Variants in TRAF3 observed in about 807,000 individuals in gnomAD.
TRAF3 encodes the protein TNF receptor associated factor 3, also known as TNF receptor-associated factor 3.
In TRAF3, 13 loss-of-function variants were observed where a neutral mutation model predicts 62.3. That is an observed-to-expected ratio of 0.21 (90% confidence interval 0.14 to 0.33). The LOEUF (loss-of-function observed/expected upper bound fraction) is 0.33, where lower values mean the gene tolerates loss of function less well. Among genes scored for constraint, TRAF3 ranks in the 10% least tolerant of loss-of-function variants. The pLI is 1.00. For synonymous variants in TRAF3, 269 were observed against 283.4 expected, an observed-to-expected ratio of 0.95 and a Z score of 0.51; for missense variants, 440 against 741.8, an observed-to-expected ratio of 0.59 and a Z score of 4.73.
At chr14:102,838,390 C>T (rs571946793) in intron 2 of TRAF3, among the ~76,000 whole-genome samples, 3 of 152,094 alleles carry the variant, frequency 2.0e-5, no homozygotes, top group African/African-American at 7.2e-5. Flanking sequence ...ACCAGGATTT[C>T]AGGAGGTAAG....
At chr14:102,803,020 C>T (rs1209262575) in intron 1 of TRAF3, among the ~76,000 whole-genome samples, 1 of 152,104 alleles carries the variant, frequency 6.6e-6, no homozygotes, top group African/African-American at 2.4e-5. Context: ...CTTGTAAAAC[C>T]ATCAGATCTC....
chr14:102,880,540 G>T (rs1244927498), intron 6 of TRAF3, among the ~76,000 whole-genome samples: 1 of 152,228 alleles, frequency 6.6e-6, no homozygotes, highest in South Asian at 2.1e-4. Context: ...CATTGTGGAA[G>T]ACAGTGTGAC....
At chr14:102,834,464 C>T (rs1009707810) in intron 2 of TRAF3, among the ~76,000 whole-genome samples, 8 of 151,488 alleles carry the variant, frequency 5.3e-5, no homozygotes, top group African/African-American at 1.5e-4. Flanking sequence ...TTTGGGAGGC[C>T]GAGGTGGGTG....
In TRAF3 at chr14:102,842,056, C is replaced by T. The variant is rs190038683; in HGVS notation, c.-18+11584C>T. ...GGTCTGGAGTTGAAGAGTAGCCTGG[C>T]CAACATGGCGAAACCTCGTCTCTAC... On this transcript the variant is annotated intron_variant, in intron 2 of 11. Transcript: ENST00000392745. Among the ~76,000 whole-genome samples, 23 of 152,048 alleles carry T rather than the reference C, an allele frequency of 1.5e-4. No homozygotes were observed. In the East Asian group the frequency reaches 3.7e-3, roughly 24 times the overall value.
chr14:102,880,348 T>C (rs1595389982), intron 6 of TRAF3, among the ~76,000 whole-genome samples: 1 of 152,174 alleles, frequency 6.6e-6, no homozygotes, highest in Admixed American at 6.5e-5. Context: ...GTTGTTAAAT[T>C]TCAGTGAATG....
At chr14:102,830,960 GT>G (rs777847532) in intron 2 of TRAF3, among the ~76,000 whole-genome samples, 4 of 152,188 alleles carry the variant, frequency 2.6e-5, no homozygotes, top group Non-Finnish European at 4.4e-5. Flanking sequence ...GGCTTACAAG[GT>G]TTGAAATACA....
intron 1 of TRAF3, among the ~76,000 whole-genome samples, chr14:102,786,464 G>A (rs1897506798): frequency 6.6e-6 from 1 of 152,164 alleles, no homozygotes; most frequent in African/African-American, 2.4e-5. Flanking sequence ...GAGGTGGGTG[G>A]ATCACCTGAG....
chr14:102,814,561 C>G lies in TRAF3; in HGVS notation c.-156-15773C>G, dbSNP rs1234617351. On this transcript the variant is annotated intron_variant, in intron 1 of 11. Transcript: ENST00000392745. ...CCAAGACAGGGTCTCACTTCGTTAT[C>G]TAGGCTGGAGTGCAGTGGCATGATA... Among the ~76,000 whole-genome samples the G allele has an allele frequency of 2.6e-5, 4 of 152,112 alleles. No individual in the cohort carries two copies. In the East Asian group the frequency reaches 7.7e-4, roughly 29 times the overall value.
At chr14:102,830,820 T>G (rs1365019399) in intron 2 of TRAF3, among the ~76,000 whole-genome samples, 5 of 152,206 alleles carry the variant, frequency 3.3e-5, no homozygotes, top group Admixed American at 3.3e-4. Flanking sequence ...TGCCCAGCAG[T>G]TACCCAGGGG....
At chr14:102,831,826 G>C (rs1376229462) in intron 2 of TRAF3, among the ~76,000 whole-genome samples, 3 of 152,112 alleles carry the variant, frequency 2.0e-5, no homozygotes, top group African/African-American at 7.2e-5. Flanking sequence ...GGGTAGTTTG[G>C]TTTATTACAA....
In TRAF3 at chr14:102,876,351, C is replaced by G; in HGVS notation, c.403-7C>G. ...CAATTAAGAACATTGAATGGTCTGT[C>G]TTACAGGTGCATTTAAAAAATGATT... On this transcript the variant is annotated splice_polypyrimidine_tract_variant and splice_region_variant and intron_variant, in intron 5 of 11. Transcript: ENST00000392745. 6.2e-7 allele frequency: 1 copy of G among 1,613,974 alleles called. No homozygotes were observed. The highest frequency in any genetic ancestry group is 8.5e-7 in the Non-Finnish European group (1 of 1,179,918).
chr14:102,899,513 C>G (rs1039181065), intron 10 of TRAF3, among the ~76,000 whole-genome samples: 1 of 152,202 alleles, frequency 6.6e-6, no homozygotes, highest in Admixed American at 6.5e-5. Context: ...CGCCCCACTC[C>G]CTGCGCTAAA....
At chr14:102,834,742 ATCAAC>A (rs2139648731) in intron 2 of TRAF3, among the ~76,000 whole-genome samples, 6 of 151,956 alleles carry the variant, frequency 3.9e-5, no homozygotes, top group African/African-American at 1.2e-4. Flanking sequence ...ATGCACAAAA[ATCAAC>A]AAAAGATGGA....
At chr14:102,816,656 A>G (rs1899543453) in intron 1 of TRAF3, among the ~76,000 whole-genome samples, 1 of 152,178 alleles carries the variant, frequency 6.6e-6, no homozygotes, top group Non-Finnish European at 1.5e-5. Flanking sequence ...TAATAGCATG[A>G]CATTCTGTTA....
rs370725016 is a variant in TRAF3, at chr14:102,817,151, G to C, written c.-156-13183G>C. 6.6e-5 allele frequency among the ~76,000 whole-genome samples: 10 copies of C among 152,146 alleles called. 3 individuals are homozygous for C. Among genetic ancestry groups the C allele is most frequent in the African/African-American group, 2.4e-4 (10 of 41,512 alleles). On this transcript the variant is annotated intron_variant, in intron 1 of 11. Coordinates refer to ENST00000392745, the MANE Select transcript of TRAF3 (RefSeq NM_145725.3). Reference sequence around the variant, plus strand: ...GATGCTCAAGTGGAGATGTTGAGTTGGTTATTGGATATACAGGTCTGGGGG... The same window carrying C: ...GATGCTCAAGTGGAGATGTTGAGTTCGTTATTGGATATACAGGTCTGGGGG...
At chr14:102,874,551 T>G (rs1176008803) in intron 4 of TRAF3, among the ~76,000 whole-genome samples, 1 of 151,892 alleles carries the variant, frequency 6.6e-6, no homozygotes, top group Non-Finnish European at 1.5e-5. Context: ...GAGTCACTGT[T>G]CCCAGTCAAC....
At chr14:102,866,612 T>A (rs947398057) in intron 2 of TRAF3, among the ~76,000 whole-genome samples, 10 of 151,878 alleles carry the variant, frequency 6.6e-5, no homozygotes, top group Non-Finnish European at 1.5e-4. Context: ...GGGAGGCTGA[T>A]GTGGAAGGAT....
chr14:102,903,752 A>T lies in TRAF3; in HGVS notation c.1135+323A>T, dbSNP rs1437852014. The T allele has an allele frequency of 2.0e-6, 1 of 511,344 alleles. No individual in the cohort carries two copies. Among genetic ancestry groups the T allele is most frequent in the Non-Finnish European group, 3.8e-6 (1 of 263,474 alleles). 31.7% of individuals were successfully genotyped at this position (511,344 alleles called of 1,614,324 possible). A position where few individuals can be genotyped will look rare whatever the true frequency, so the allele number is the denominator to read the frequency against. On this transcript the variant is annotated intron_variant, in intron 11 of 11. Transcript: ENST00000392745. The surrounding 1 kb of genome is among the most constrained non-coding windows in gnomAD (Gnocchi z 6.4). ...ACCCACAGGACAGGCCCAAGCGCAG[A>T]TGGCAGAGGCCAGGACCTGCTGGTC...
At chr14:102,831,350 T>G (rs1051108849) in intron 2 of TRAF3, among the ~76,000 whole-genome samples, 1 of 152,164 alleles carries the variant, frequency 6.6e-6, no homozygotes, top group African/African-American at 2.4e-5. Flanking sequence ...CATAACAAGG[T>G]GACTTCTGTT....
Sources: gnomAD v4.1 joint callset for allele counts (sites outside exome capture counted in the v4.1 genomes callset) on GRCh38, gnomAD v4.1.1 for gene constraint, Gnocchi (gnomAD v3.1) non-coding constraint, MANE v1.5 for transcripts, NCBI Gene and HGNC (gene_info 2026-07-23, HGNC 2026-07-21) for gene names.